Variants in SLC26A11 observed in about 807,000 individuals in gnomAD.
SLC26A11 encodes solute carrier family 26 member 11, also known as sodium-independent sulfate anion transporter.
Under a neutral mutation model 62.2 loss-of-function variants are expected in SLC26A11, and 58 were observed. The ratio of observed to expected loss-of-function variants is 0.93; its 90% CI spans 0.76 to 1.16. The LOEUF is 1.16. Among genes scored for constraint, SLC26A11 ranks in the 50% most tolerant of loss-of-function variants. SLC26A11 has a pLI of 0.00. For synonymous variants in SLC26A11, 411 were observed against 368.9 expected, an observed-to-expected ratio of 1.11 and a Z score of -1.31; for missense variants, 790 against 794.3, an observed-to-expected ratio of 0.99 and a Z score of 0.06.
At position 80,246,684 on chromosome 17, in the gene SLC26A11, T is replaced by C. The variant is rs762207070; in HGVS notation, c.1294+35T>C. The C allele has an allele frequency of 2.5e-6, 4 of 1,605,026 alleles. No homozygotes were observed. The highest frequency in any genetic ancestry group is 3.4e-6 in the Non-Finnish European group (4 of 1,175,930). On this transcript the variant is annotated intron_variant, in intron 13 of 17. Transcript: ENST00000361193. This position sits in a 1 kb window ranked among gnomAD's most constrained non-coding sequence, Gnocchi z 4.4. ...TGTCCTACAGGGGAGAGCGCTGTGATGCGGTGTCTGAACGCGGAGGGTGTC... is the reference window on the plus strand; with the variant it reads ...TGTCCTACAGGGGAGAGCGCTGTGACGCGGTGTCTGAACGCGGAGGGTGTC...
Position 80,246,041 on chromosome 17 carries a change from C to T in SLC26A11, c.1098-113C>T, listed in dbSNP as rs998273237. ...GTCCCCTTGCAGTCCCCGCCTGCTT[C>T]CCAAGCCGTGCTGGGAGCTGACGTC... On this transcript the variant is annotated intron_variant, in intron 11 of 17. Coordinates refer to ENST00000361193, the MANE Select transcript of SLC26A11 (RefSeq NM_001166347.2). The surrounding 1 kb of genome is among the most constrained non-coding windows in gnomAD (Gnocchi z 4.4). 9.7e-6 allele frequency: 13 copies of T among 1,334,238 alleles called. No homozygotes were observed. Among genetic ancestry groups the T allele is most frequent in the Middle Eastern group, 3.6e-4 (2 of 5,574 alleles). The allele number at this position is 1,334,238 out of a possible 1,614,324, so 82.6% of individuals were successfully genotyped here. A position where few individuals can be genotyped will look rare whatever the true frequency, so the allele number is the denominator to read the frequency against.
intron 6 of SLC26A11, among the ~76,000 whole-genome samples, chr17:80,226,993 G>A (rs567790536): frequency 1.3e-5 from 2 of 152,304 alleles, no homozygotes; most frequent in East Asian, 3.9e-4. Context: ...AGTGGGCAGG[G>A]GTCGGCCAGA....
At position 80,226,712 on chromosome 17, in the gene SLC26A11, GC is replaced by G. The variant is rs538219241; in HGVS notation, c.593+803del. 6.6e-5 allele frequency among the ~76,000 whole-genome samples: 10 copies of G among 152,058 alleles called. No homozygotes were observed. In the East Asian group the frequency reaches 9.7e-4, roughly 15 times the overall value. ...TGAGACTCCATCTCCGCCCTGCCCT[GC>G]CCCCCCGAAAAGAAAAGCCTCTGAT... On this transcript the variant is annotated intron_variant, in intron 6 of 17. Coordinates refer to ENST00000361193, the MANE Select transcript of SLC26A11 (RefSeq NM_001166347.2).
chr17:80,221,625 C>T lies in SLC26A11; in HGVS notation c.65C>T (p.Ala22Val). Residue 22 changes from alanine to valine, a missense_variant, in exon 3 of 18, where the codon GCC becomes GTC. By Grantham distance (64) the Ala-to-Val change is moderately conservative. Coordinates refer to ENST00000361193, the MANE Select transcript of SLC26A11 (RefSeq NM_001166347.2). ...TCTGGCCCCGGGATGGCCCCGAGCG[C>T]CTGCTGCTGCTCCCCTGCGGCCCTG... is the stretch of plus-strand genomic sequence containing the variant. ...RSSGPGMAPS[A>V]CCCSPAALQR... is the part of the protein sequence containing the mutation. 6.2e-7 allele frequency: 1 copy of T among 1,610,678 alleles called. No homozygotes were observed. The highest frequency in any genetic ancestry group is 8.5e-7 in the Non-Finnish European group (1 of 1,179,796).
In SLC26A11 at chr17:80,228,372, A is replaced by T. The variant is rs975561455; in HGVS notation, c.736+412A>T. On this transcript the variant is annotated intron_variant, in intron 7 of 17. Coordinates refer to ENST00000361193, the MANE Select transcript of SLC26A11 (RefSeq NM_001166347.2). The surrounding 1 kb of genome is among the most constrained non-coding windows in gnomAD (Gnocchi z 4.1). ...GGTCTCAAACTCCTGACCTCGAGTGATCTGCCTGCCTCGGCCTCCCGAAGT... is the reference window on the plus strand; with the variant it reads ...GGTCTCAAACTCCTGACCTCGAGTGTTCTGCCTGCCTCGGCCTCCCGAAGT... 2.0e-5 allele frequency among the ~76,000 whole-genome samples: 3 copies of T among 152,174 alleles called. No individual in the cohort carries two copies. Among genetic ancestry groups the T allele is most frequent in the African/African-American group, 7.2e-5 (3 of 41,448 alleles).
At chr17:80,250,008 G>A (rs961295720) in intron 16 of SLC26A11, among the ~76,000 whole-genome samples, 1 of 152,214 alleles carries the variant, frequency 6.6e-6, no homozygotes, top group Non-Finnish European at 1.5e-5. Context: ...AGGCCGTCCT[G>A]TTCAGAGCCA....
At chr17:80,237,384 C>G in intron 8 of SLC26A11, 138 bp from the exon 9 acceptor site, 1 of 866,914 alleles carries the variant, frequency 1.2e-6, no homozygotes, top group Non-Finnish European at 1.8e-6. Context: ...CCTCTTCAGA[C>G]AAGGAGGCGG....
Position 80,222,408 on chromosome 17 carries a change from TG to T in SLC26A11, c.235-245del. The T allele has an allele frequency of 2.2e-6, 1 of 452,986 alleles. No homozygotes were observed. The highest frequency in any genetic ancestry group is 3.9e-6 in the Non-Finnish European group (1 of 259,690). The allele number at this position is 452,986 out of a possible 1,614,324, so 28.1% of individuals were successfully genotyped here. On this transcript the variant is annotated intron_variant, in intron 3 of 17. Transcript: ENST00000361193. This position sits in a 1 kb window ranked among gnomAD's most constrained non-coding sequence, Gnocchi z 4.7. ...AAAAAAAAGAATGCTTCCTCAGACT[TG>T]GACACAGCACACGGGCCTGCACCGA...
At chr17:80,229,663 C>T (rs1374646116) in intron 7 of SLC26A11, among the ~76,000 whole-genome samples, 1 of 152,028 alleles carries the variant, frequency 6.6e-6, no homozygotes, top group African/African-American at 2.4e-5. Context: ...CTCCTGACCT[C>T]AAGTGATCCG....
rs779266918 is a variant in SLC26A11, at chr17:80,248,183, C to T, written c.1348C>T (p.Gln450Ter). Residue 450 changes from glutamine (Q) to a stop codon, truncating the protein, a stop_gained, in exon 14 of 18, where the codon CAG (glutamine) becomes TAG (stop). Transcript: ENST00000361193. LOFTEE classifies it high-confidence loss of function. ...CTTCCTGCTGTGCTTCTGGGAGGTG[C>T]AGTACGGCATCCTGGCCGGGGCCCT... ...VTFLLCFWEVQYGILAGALVS... is the reference protein window; with the variant it reads ...VTFLLCFWEV 25 of 1,608,408 alleles carry T rather than the reference C, an allele frequency of 1.6e-5. No homozygotes were observed. Among genetic ancestry groups the T allele is most frequent in the Admixed American group, 1.5e-4 (9 of 59,956 alleles).
chr17:80,245,125 C>A (rs1474730032), intron 10 of SLC26A11, 71 bp from the exon 11 acceptor site: 4 of 1,460,780 alleles, frequency 2.7e-6, no homozygotes, highest in Non-Finnish European at 3.8e-6. Flanking sequence ...TTTTTGTCCC[C>A]CTCCCCATCT....
chr17:80,222,763 T>C lies in SLC26A11; in HGVS notation c.343T>C (p.Tyr115His). 6.2e-7 allele frequency: 1 copy of C among 1,614,208 alleles called. No individual in the cohort carries two copies. The highest frequency in any genetic ancestry group is 8.5e-7 in the Non-Finnish European group (1 of 1,180,038). Residue 115 changes from tyrosine (Y) to histidine (H), a missense_variant, in exon 4 of 18, where the codon TAC (tyrosine) becomes CAC (histidine). Tyr to His is a moderately conservative substitution (Grantham distance 83). Coordinates refer to ENST00000361193, the MANE Select transcript of SLC26A11 (RefSeq NM_001166347.2). This position sits in a 1 kb window ranked among gnomAD's most constrained non-coding sequence, Gnocchi z 4.7. ...CATTATGTCCCTCCTGGTCTCCTTC[T>C]ACACCTTCCATGAGCCCGCCTACGC... is the stretch of plus-strand genomic sequence containing the variant. ...TAIMSLLVSF[Y>H]TFHEPAYAVL...
chr17:80,228,400 T>A lies in SLC26A11; in HGVS notation c.736+440T>A, dbSNP rs1213392686. ...TGCCTGCCTCGGCCTCCCGAAGTGC[T>A]GGGATTACAGGCATGAGCCACCGCC... is the stretch of plus-strand genomic sequence containing the variant. On this transcript the variant is annotated intron_variant, in intron 7 of 17. Coordinates refer to ENST00000361193, the MANE Select transcript of SLC26A11 (RefSeq NM_001166347.2). The surrounding 1 kb of genome is among the most constrained non-coding windows in gnomAD (Gnocchi z 4.1). Among the ~76,000 whole-genome samples, 1 of 152,214 alleles carries A rather than the reference T, an allele frequency of 6.6e-6. No homozygotes were observed. The highest frequency in any genetic ancestry group is 1.5e-5 in the Non-Finnish European group (1 of 68,046).
At chr17:80,233,731 G>A (rs867396027) in intron 7 of SLC26A11, among the ~76,000 whole-genome samples, 17 of 151,842 alleles carry the variant, frequency 1.1e-4, no homozygotes, top group African/African-American at 3.4e-4. Context: ...GCATCACCAC[G>A]CCTGGATAAT....
At chr17:80,231,621 G>A (rs563138797) in intron 7 of SLC26A11, among the ~76,000 whole-genome samples, 5 of 152,006 alleles carry the variant, frequency 3.3e-5, no homozygotes, top group Non-Finnish European at 7.4e-5. Context: ...ATTTTTATTC[G>A]GTTCTAAATA....
At chr17:80,249,029 C>A in intron 15 of SLC26A11, 125 bp from the exon 16 acceptor site, 1 of 1,232,910 alleles carries the variant, frequency 8.1e-7, no homozygotes, top group Non-Finnish European at 1.1e-6. Flanking sequence ...GGCGACTCAG[C>A]CGCCACGAGA....
In SLC26A11 at chr17:80,233,005, T is replaced by C. The variant is rs191886336; in HGVS notation, c.737-3923T>C. On this transcript the variant is annotated intron_variant, in intron 7 of 17. Coordinates refer to ENST00000361193, the MANE Select transcript of SLC26A11 (RefSeq NM_001166347.2). ...GCTCACACCTATAATCCTAGCACTT[T>C]GGGAGGCTGAGGGAGGCAGATTGTC... is the stretch of plus-strand genomic sequence containing the variant. Among the ~76,000 whole-genome samples the C allele has an allele frequency of 7.9e-4, 121 of 152,256 alleles. 1 individual carries two copies. The highest frequency in any genetic ancestry group is 2.8e-3 in the African/African-American group (115 of 41,556).
chr17:80,221,996 A>G (rs1195720459), intron 3 of SLC26A11: 5 of 588,298 alleles, frequency 8.5e-6, no homozygotes, highest in Non-Finnish European at 1.5e-5. Context: ...TGAGCTGGTT[A>G]TGGAGGGGCC....
At chr17:80,229,645 G>A (rs1203708873) in intron 7 of SLC26A11, among the ~76,000 whole-genome samples, 1 of 151,904 alleles carries the variant, frequency 6.6e-6, no homozygotes, top group Non-Finnish European at 1.5e-5. Flanking sequence ...GGCCAGGCTG[G>A]TCTCGAACTC....
Sources: gnomAD v4.1 joint callset for allele counts (sites outside exome capture counted in the v4.1 genomes callset) on GRCh38, gnomAD v4.1.1 for gene constraint, Gnocchi (gnomAD v3.1) non-coding constraint, MANE v1.5 for transcripts, NCBI Gene and HGNC (gene_info 2026-07-23, HGNC 2026-07-21) for gene names.